Variants in LDLRAD3 observed in about 807,000 individuals in gnomAD.
The protein encoded by LDLRAD3 is low density lipoprotein receptor class A domain containing 3.
LDLRAD3 carries 20 observed loss-of-function variants against 29.4 expected under a neutral mutation model. That is an observed-to-expected ratio of 0.68 (90% CI 0.48 to 0.99). The LOEUF is 0.99. LDLRAD3 is among the 50% of genes least tolerant of loss of function. The probability of loss-of-function intolerance (pLI) is 0.00; values close to 1 mark genes in which losing one functional copy is unlikely to be tolerated. For missense variants in LDLRAD3, 420 were observed against 454.3 expected, an observed-to-expected ratio of 0.92 and a Z score of 0.69; for synonymous variants, 157 against 192.7, an observed-to-expected ratio of 0.81 and a Z score of 1.53.
chr11:36,061,329 C>T (rs1432969905), intron 2 of LDLRAD3, among the ~76,000 whole-genome samples: 3 of 152,002 alleles, frequency 2.0e-5, no homozygotes, highest in African/African-American at 7.2e-5. Context: ...TTAGTAGAGA[C>T]GGGGTTTCAC....
intron 1 of LDLRAD3, among the ~76,000 whole-genome samples, chr11:35,993,866 A>G (rs1241181532): frequency 2.6e-5 from 4 of 152,094 alleles, no homozygotes; most frequent in Admixed American, 6.5e-5. Flanking sequence ...AGTTTTGCTT[A>G]AGATTTGGAA....
chr11:36,010,610 A>G (rs568355868), intron 1 of LDLRAD3, among the ~76,000 whole-genome samples: 20 of 152,276 alleles, frequency 1.3e-4, no homozygotes, highest in Admixed American at 3.3e-4. Flanking sequence ...TCCAAGTTCT[A>G]TAGTCTGGCA....
At chr11:36,071,684 T>C (rs1446804810) in intron 2 of LDLRAD3, among the ~76,000 whole-genome samples, 1 of 152,182 alleles carries the variant, frequency 6.6e-6, no homozygotes, top group Non-Finnish European at 1.5e-5. Context: ...ATTAATTCAG[T>C]CAGTAATTAT....
intron 4 of LDLRAD3, among the ~76,000 whole-genome samples, chr11:36,108,059 C>G (rs1853554050): frequency 6.6e-6 from 1 of 151,732 alleles, no homozygotes; most frequent in South Asian, 2.1e-4. Context: ...TCCTGTAATC[C>G]CAGCACTTTG....
intron 4 of LDLRAD3, among the ~76,000 whole-genome samples, chr11:36,190,650 G>GA (rs1282977097): frequency 6.6e-6 from 1 of 151,702 alleles, no homozygotes; most frequent in Non-Finnish European, 1.5e-5. Context: ...AGAGAAGAGA[G>GA]AAAAAAAATG....
rs1330336092 is a variant in LDLRAD3, at chr11:36,191,595, TATATAC to T, written c.455-35488_455-35483del. Among the ~76,000 whole-genome samples, 42 of 103,898 alleles carry T rather than the reference TATATAC, an allele frequency of 4.0e-4. 1 individual carries two copies. Among genetic ancestry groups the T allele is most frequent in the African/African-American group, 1.2e-3 (31 of 25,898 alleles). 68.2% of individuals were successfully genotyped at this position (103,898 alleles called of 152,430 possible). ...CTCTCTCTATATATATATATATATATATATACACACACACACACACACACACACGCA... is the reference window on the plus strand; with the variant it reads ...CTCTCTCTATATATATATATATATATACACACACACACACACACACACGCA... On this transcript the variant is annotated intron_variant, in intron 4 of 5. Transcript: ENST00000315571.
At chr11:36,061,795 G>T (rs572586166) in intron 2 of LDLRAD3, among the ~76,000 whole-genome samples, 3 of 152,138 alleles carry the variant, frequency 2.0e-5, no homozygotes, top group Non-Finnish European at 4.4e-5. Context: ...TGGCAACTGG[G>T]TCTTTGGTAA....
intron 4 of LDLRAD3, among the ~76,000 whole-genome samples, chr11:36,160,073 G>A (rs1291825856): frequency 6.6e-6 from 1 of 152,164 alleles, no homozygotes; most frequent in Non-Finnish European, 1.5e-5. Context: ...GGCTGTGAGC[G>A]AGGCAGATAA....
At chr11:35,956,856 C>T (rs1031343751) in intron 1 of LDLRAD3, among the ~76,000 whole-genome samples, 1 of 152,088 alleles carries the variant, frequency 6.6e-6, no homozygotes, top group Non-Finnish European at 1.5e-5. Flanking sequence ...CTGCCTCAGC[C>T]TCCTGAGTAG....
intron 1 of LDLRAD3, among the ~76,000 whole-genome samples, chr11:35,976,465 G>C (rs1198066508): frequency 6.6e-6 from 1 of 152,150 alleles, no homozygotes; most frequent in Non-Finnish European, 1.5e-5. Context: ...CTCCGAAGGA[G>C]ATCGTGTACA....
chr11:36,041,126 AAAAAT>A (rs1432758500), intron 2 of LDLRAD3, among the ~76,000 whole-genome samples: 1 of 152,202 alleles, frequency 6.6e-6, no homozygotes, highest in Non-Finnish European at 1.5e-5. Flanking sequence ...CAAATAACTT[AAAAAT>A]AAAATAAAAG....
At chr11:36,059,126 G>A (rs376846945) in intron 2 of LDLRAD3, among the ~76,000 whole-genome samples, 1 of 152,138 alleles carries the variant, frequency 6.6e-6, no homozygotes, top group African/African-American at 2.4e-5. Flanking sequence ...AGCATTTTGG[G>A]AGGCTAAGGT....
intron 4 of LDLRAD3, among the ~76,000 whole-genome samples, chr11:36,136,145 C>T (rs924877393): frequency 1.4e-4 from 22 of 152,138 alleles, no homozygotes; most frequent in Admixed American, 1.0e-3. Context: ...TGCTCTATGC[C>T]GATTGGCCTT....
chr11:36,143,998 G>A (rs1182131963), intron 4 of LDLRAD3, among the ~76,000 whole-genome samples: 1 of 143,230 alleles, frequency 7.0e-6, no homozygotes, highest in East Asian at 2.2e-4. Context: ...GGACTGTACT[G>A]CTGCCATCTC....
chr11:35,993,041 A>G (rs529142291), intron 1 of LDLRAD3, among the ~76,000 whole-genome samples: 12 of 152,138 alleles, frequency 7.9e-5, no homozygotes, highest in Admixed American at 2.6e-4. Context: ...CCACACTTTT[A>G]TGGATTCCTT....
intron 4 of LDLRAD3, among the ~76,000 whole-genome samples, chr11:36,166,749 G>T (rs1393960409): frequency 6.6e-6 from 1 of 152,110 alleles, no homozygotes; most frequent in Non-Finnish European, 1.5e-5. Context: ...TTCTCAAATT[G>T]TAATGTACAC....
chr11:36,118,074 C>T (rs1053589851), intron 4 of LDLRAD3, among the ~76,000 whole-genome samples: 1 of 151,924 alleles, frequency 6.6e-6, no homozygotes, highest in Non-Finnish European at 1.5e-5. Flanking sequence ...ACAGTGTTGG[C>T]GTAGGGGTGG....
intron 4 of LDLRAD3, chr11:36,196,325 C>T (rs571451026): frequency 6.6e-6 from 1 of 152,318 alleles, no homozygotes; most frequent in Non-Finnish European, 1.5e-5. Flanking sequence ...AGAAAGCTCA[C>T]CTGCAGCCCG....
chr11:36,060,976 A>G (rs917611460), intron 2 of LDLRAD3, among the ~76,000 whole-genome samples: 3 of 152,246 alleles, frequency 2.0e-5, no homozygotes, highest in Non-Finnish European at 4.4e-5. Flanking sequence ...TTACCTAACC[A>G]CTGTGATGCT....
Sources: gnomAD v4.1 joint callset for allele counts (sites outside exome capture counted in the v4.1 genomes callset) on GRCh38, gnomAD v4.1.1 for gene constraint, MANE v1.5 for transcripts, NCBI Gene and HGNC (gene_info 2026-07-23, HGNC 2026-07-21) for gene names.